Variants in C1orf21 observed in about 807,000 individuals in gnomAD.
C1orf21 encodes chromosome 1 open reading frame 21.
C1orf21 carries 3 observed loss-of-function variants against 18.7 expected under a neutral mutation model. That is an observed-to-expected ratio of 0.16 (90% CI 0.07 to 0.42). The LOEUF (loss-of-function observed/expected upper bound fraction) is 0.42. C1orf21 is among the 10% of genes least tolerant of loss of function. The probability of loss-of-function intolerance (pLI) is 0.99; values close to 1 mark genes in which losing one functional copy is unlikely to be tolerated. For missense variants in C1orf21, 104 were observed against 143.6 expected (o/e 0.72, Z 1.41); for synonymous variants, 41 against 46.4 (o/e 0.88, Z 0.47).
chr1:184,589,360 G>A (rs566069109), intron 3 of C1orf21, among the ~76,000 whole-genome samples: 4 of 152,262 alleles, frequency 2.6e-5, no homozygotes, highest in South Asian at 4.1e-4. Flanking sequence ...TTTTGACATC[G>A]TTCATTCATT....
chr1:184,471,962 A>T (rs555220023), intron 1 of C1orf21, among the ~76,000 whole-genome samples: 56 of 152,178 alleles, frequency 3.7e-4, no homozygotes, highest in Admixed American at 1.4e-3. Flanking sequence ...ATTATTTTTA[A>T]CGTTCACAAT....
intron 1 of C1orf21, among the ~76,000 whole-genome samples, chr1:184,411,760 T>G (rs1397152802): frequency 1.3e-5 from 2 of 152,182 alleles, no homozygotes; most frequent in African/African-American, 4.8e-5. Flanking sequence ...TATAAGAGCT[T>G]CTATATGTTC....
In C1orf21 at chr1:184,549,082, G is replaced by A. The variant is rs1658773419; in HGVS notation, c.189+41400G>A. On this transcript the variant is annotated intron_variant, in intron 3 of 5. Transcript: ENST00000235307. ...TACTATTCTGAGAAGAGGTATATAG[G>A]TTTTACCAGACTGTCAGAGGAGTAC... Among the ~76,000 whole-genome samples, 5 of 152,174 alleles carry A rather than the reference G, an allele frequency of 3.3e-5. No individual in the cohort carries two copies. In the South Asian group the frequency reaches 1.0e-3, roughly 32 times the overall value.
At chr1:184,457,026 T>C (rs1657208985) in intron 1 of C1orf21, among the ~76,000 whole-genome samples, 2 of 152,238 alleles carry the variant, frequency 1.3e-5, no homozygotes, top group South Asian at 2.1e-4. Flanking sequence ...CTGGAGAAGG[T>C]GATGGTGATC....
chr1:184,579,231 T>C (rs1659239010), intron 3 of C1orf21, among the ~76,000 whole-genome samples: 1 of 149,408 alleles, frequency 6.7e-6, no homozygotes. Flanking sequence ...TTGGTATTTT[T>C]AGTAGAGATA....
rs186272500 is a variant in C1orf21 at position 184,387,705 on chromosome 1, C to T, written c.-125+337C>T. ...GCCTGGGTGGCTGGTGTTAGACACC[C>T]CTCCCTTCCCACCCGCACCCTGCCG... On this transcript the variant is annotated intron_variant, in intron 1 of 5. Coordinates refer to ENST00000235307, the MANE Select transcript of C1orf21 (RefSeq NM_030806.4). The surrounding 1 kb of genome is among the most constrained non-coding windows in gnomAD (Gnocchi z 5.6). Among the ~76,000 whole-genome samples, 356 of 152,280 alleles carry T rather than the reference C, an allele frequency of 2.3e-3. 2 individuals carry two copies. The highest frequency in any genetic ancestry group is 7.1e-3 in the African/African-American group (294 of 41,566).
chr1:184,559,625 C>CT (rs1322385611), intron 3 of C1orf21, among the ~76,000 whole-genome samples: 2 of 118,542 alleles, frequency 1.7e-5, no homozygotes, highest in African/African-American at 2.9e-5. Context: ...CTCCCTCCCT[C>CT]CCTTACTTTC....
At chr1:184,439,732 C>G (rs1284301809) in intron 1 of C1orf21, among the ~76,000 whole-genome samples, 1 of 152,128 alleles carries the variant, frequency 6.6e-6, no homozygotes, top group Non-Finnish European at 1.5e-5. Context: ...AAGAGGATCA[C>G]TTAAGTTCAG....
At chr1:184,537,526 T>A (rs2101975979) in intron 3 of C1orf21, among the ~76,000 whole-genome samples, 2 of 152,336 alleles carry the variant, frequency 1.3e-5, no homozygotes, top group South Asian at 4.1e-4. Flanking sequence ...TATATACACA[T>A]TTTACTTACA....
At chr1:184,511,122 ATTGTGT>A (rs1334267459) in intron 3 of C1orf21, among the ~76,000 whole-genome samples, 1 of 152,204 alleles carries the variant, frequency 6.6e-6, no homozygotes, top group Non-Finnish European at 1.5e-5. Flanking sequence ...CAGTAGGAAG[ATTGTGT>A]TTGAGGAAAA....
At chr1:184,595,866 G>A (rs1179216860) in intron 4 of C1orf21, among the ~76,000 whole-genome samples, 3 of 152,140 alleles carry the variant, frequency 2.0e-5, no homozygotes, top group Admixed American at 1.3e-4. Context: ...ACTCTTCTTC[G>A]TGGGTTATGA....
At chr1:184,457,125 G>T (rs919622449) in intron 1 of C1orf21, among the ~76,000 whole-genome samples, 1 of 152,142 alleles carries the variant, frequency 6.6e-6, no homozygotes, top group Non-Finnish European at 1.5e-5. Flanking sequence ...CATAAATGCT[G>T]TTGCTGTGTA....
intron 3 of C1orf21, among the ~76,000 whole-genome samples, chr1:184,571,219 CCCGGGAGGCGGAG>C (rs1319416515): frequency 6.8e-6 from 1 of 146,478 alleles, no homozygotes; most frequent in Non-Finnish European, 1.5e-5. Flanking sequence ...ATGGCGTGAA[CCCGGGAGGCGGAG>C]CTTGCAGTGA....
intron 3 of C1orf21, among the ~76,000 whole-genome samples, chr1:184,535,151 G>T (rs942066025): frequency 1.3e-5 from 2 of 152,310 alleles, no homozygotes; most frequent in Non-Finnish European, 1.5e-5. Context: ...AGGGAACTAC[G>T]ATCTGTTGTA....
At position 184,607,741 on chromosome 1, in the gene C1orf21, G is replaced by A. The variant is rs539090645; in HGVS notation, c.327+9280G>A. ...TGTGTGTATATATATACATATATAT[G>A]TGTGTGTATATATATACATATATAG... On this transcript the variant is annotated intron_variant, in intron 5 of 5. Transcript: ENST00000235307. Among the ~76,000 whole-genome samples the A allele has an allele frequency of 7.4e-5, 11 of 149,214 alleles. No homozygotes were observed. The East Asian group carries it at 1.6e-3, about 21-fold the overall frequency.
intron 3 of C1orf21, among the ~76,000 whole-genome samples, chr1:184,537,426 A>C (rs1396849247): frequency 2.0e-5 from 3 of 152,148 alleles, no homozygotes; most frequent in South Asian, 2.1e-4. Context: ...ACTTAGCATA[A>C]TGTTCTGAAG....
At chr1:184,420,563 G>A (rs1217484141) in intron 1 of C1orf21, among the ~76,000 whole-genome samples, 1 of 151,946 alleles carries the variant, frequency 6.6e-6, no homozygotes, top group Non-Finnish European at 1.5e-5. Context: ...TTATTAGGAG[G>A]AAAAAATAAA....
chr1:184,573,275 G>A (rs868430077), intron 3 of C1orf21, among the ~76,000 whole-genome samples: 11 of 151,696 alleles, frequency 7.3e-5, no homozygotes, highest in African/African-American at 1.9e-4. Context: ...CTAGTATATC[G>A]ACTTTGGAAA....
At position 184,598,474 on chromosome 1, in the gene C1orf21, A is replaced by G; in HGVS notation, c.327+13A>G. 1 of 1,607,298 alleles carries G rather than the reference A, an allele frequency of 6.2e-7. No individual in the cohort carries two copies. The highest frequency in any genetic ancestry group is 8.5e-7 in the Non-Finnish European group (1 of 1,174,896). On this transcript the variant is annotated intron_variant, in intron 5 of 5. Transcript: ENST00000235307. ...AAAAATTGAAAAGGTAAGAAGTGAA[A>G]TAAATAACCTACATGTTTCAAGGGA...
Sources: allele counts gnomAD v4.1 joint callset (sites outside exome capture counted in the v4.1 genomes callset), GRCh38; gene constraint gnomAD v4.1.1; non-coding constraint Gnocchi (gnomAD v3.1); transcripts MANE v1.5; gene names NCBI Gene and HGNC (gene_info 2026-07-23, HGNC 2026-07-21).